SEH1L: variants seen among roughly 807,000 people sequenced by gnomAD.
SEH1L encodes nucleoporin SEH1.
SEH1L carries 18 observed loss-of-function variants against 49.5 expected under a neutral mutation model. The ratio of observed to expected loss-of-function variants is 0.36; its 90% CI spans 0.25 to 0.54. The LOEUF (loss-of-function observed/expected upper bound fraction) is 0.54, where lower values mean the gene tolerates loss of function less well. SEH1L is among the 20% of genes least tolerant of loss of function. The pLI is 0.87. For synonymous variants in SEH1L, 169 were observed against 178.1 expected (o/e 0.95, Z 0.41); for missense variants, 404 against 528.8 (o/e 0.76, Z 2.31).
At chr18:12,961,214 G>C (rs1332345012) in intron 3 of SEH1L, among the ~76,000 whole-genome samples, 1 of 152,188 alleles carries the variant, frequency 6.6e-6, no homozygotes, top group Non-Finnish European at 1.5e-5. Context: ...GTTCCTAGAA[G>C]GTCATAGATC....
chr18:12,968,085 G>A (rs556213470), intron 4 of SEH1L, among the ~76,000 whole-genome samples: 4 of 152,176 alleles, frequency 2.6e-5, no homozygotes, highest in East Asian at 1.9e-4. Context: ...TATCTTCTGC[G>A]CCACTTGTTT....
rs1343274603 is a variant in SEH1L, at chr18:12,963,108, T to C, written c.310-52T>C. 8.1e-6 allele frequency: 11 copies of C among 1,357,338 alleles called. No individual in the cohort carries two copies. The East Asian group carries it at 2.5e-4, about 31-fold the overall frequency. The allele number at this position is 1,357,338 out of a possible 1,614,324, so 84.1% of individuals were successfully genotyped here. ...CAGAGTCTGTGTGTCTTTTCCACTCTACCATGCTTTCTTTTTGTATATAAT... is the reference window on the plus strand; with the variant it reads ...CAGAGTCTGTGTGTCTTTTCCACTCCACCATGCTTTCTTTTTGTATATAAT... On this transcript the variant is annotated intron_variant, in intron 3 of 8. Transcript: ENST00000399892.
intron 4 of SEH1L, among the ~76,000 whole-genome samples, chr18:12,964,986 A>C: frequency 7.5e-6 from 1 of 133,474 alleles, no homozygotes; most frequent in South Asian, 2.5e-4. Context: ...TCCCCCTCAC[A>C]TTGCCCCTTC....
At chr18:12,975,132 A>C (rs1407513487) in intron 5 of SEH1L, among the ~76,000 whole-genome samples, 2 of 151,930 alleles carry the variant, frequency 1.3e-5, no homozygotes, top group Non-Finnish European at 2.9e-5. Flanking sequence ...AGCTGGGATC[A>C]CAGGCATGTG....
rs2032379436 is a variant in SEH1L at position 12,984,173 on chromosome 18, T to C, written c.1053T>C (p.Asn351=). 6.2e-7 allele frequency: 1 copy of C among 1,613,700 alleles called. No homozygotes were observed. The highest frequency in any genetic ancestry group is 1.3e-5 in the African/African-American group (1 of 74,946). ...STIPSLQNSL[N]GSSAGRYFFT... is the part of the protein sequence containing the mutation. Reference sequence around the variant, plus strand: ...TTCCAAGTCTTCAGAATTCATTAAATGGATCTTCTGCTGGCAGGTAGGCTG... The same window carrying C: ...TTCCAAGTCTTCAGAATTCATTAAACGGATCTTCTGCTGGCAGGTAGGCTG... Residue 351 remains asparagine (N), a synonymous_variant, in exon 8 of 9, where the codon AAT becomes AAC. Transcript: ENST00000399892.
intron 6 of SEH1L, 67 bp from the exon 7 acceptor site, chr18:12,982,451 G>C: frequency 3.8e-6 from 4 of 1,066,448 alleles, no homozygotes; most frequent in Non-Finnish European, 5.5e-6. Context: ...ATATATATAT[G>C]TGTGTGTATA....
intron 4 of SEH1L, among the ~76,000 whole-genome samples, chr18:12,970,809 A>G (rs1438303639): frequency 6.6e-6 from 1 of 152,232 alleles, no homozygotes; most frequent in East Asian, 1.9e-4. Flanking sequence ...ATAGTTAATG[A>G]CCAAAAATTT....
At chr18:12,949,545 C>T (rs1331017668) in intron 1 of SEH1L, among the ~76,000 whole-genome samples, 97 of 147,438 alleles carry the variant, frequency 6.6e-4, no homozygotes, top group Non-Finnish European at 1.1e-3. Context: ...CTCCGCCTCC[C>T]GGGTTCACGC....
chr18:12,949,834 C>T (rs2030406994), intron 1 of SEH1L, among the ~76,000 whole-genome samples: 2 of 152,042 alleles, frequency 1.3e-5, no homozygotes, highest in African/African-American at 2.4e-5. Flanking sequence ...CCCTGCCCAT[C>T]TCCAGAACCT....
chr18:12,982,608 G>T lies in SEH1L; in HGVS notation c.852G>T (p.Val284=), dbSNP rs377602105. The T allele has an allele frequency of 6.2e-7, 1 of 1,613,952 alleles. No homozygotes were observed. The highest frequency in any genetic ancestry group is 8.5e-7 in the Non-Finnish European group (1 of 1,179,878). Residue 284 remains valine, a synonymous_variant, in exon 7 of 9, where the codon GTG becomes GTT. Transcript: ENST00000399892. ...ATCATAATTCTCAGGTCTGGCGAGTGAGTTGGAATATAACAGGAACGGTGC... is the reference window on the plus strand; with the variant it reads ...ATCATAATTCTCAGGTCTGGCGAGTTAGTTGGAATATAACAGGAACGGTGC... The part of the protein sequence containing the change: ...FDNHNSQVWR[V]SWNITGTVLA...
chr18:12,969,211 G>GCA (rs2031582767), intron 4 of SEH1L, among the ~76,000 whole-genome samples: 1 of 55,078 alleles, frequency 1.8e-5, no homozygotes, highest in Non-Finnish European at 3.1e-5. Context: ...CTCTGTACCC[G>GCA]CCCCCCCCCC....
chr18:12,974,830 G>C (rs2031850049), intron 5 of SEH1L, among the ~76,000 whole-genome samples: 7 of 152,188 alleles, frequency 4.6e-5, no homozygotes, highest in Admixed American at 4.6e-4. Context: ...TTACAAATGA[G>C]AAAACTGAGA....
In SEH1L at chr18:12,948,163, C is replaced by A; in HGVS notation, c.42C>A (p.Leu14=). The A allele has an allele frequency of 6.2e-7, 1 of 1,611,350 alleles. No homozygotes were observed. The highest frequency in any genetic ancestry group is 2.2e-5 in the East Asian group (1 of 44,678). Residue 14 remains leucine, a synonymous_variant, in exon 1 of 9, where the codon CTC becomes CTA. Transcript: ENST00000399892. The part of the protein sequence containing the change: ...ARSIAADHKD[L]IHDVSFDFHG... The stretch of plus-strand genomic sequence containing the variant: ...GCATCGCGGCGGACCACAAGGATCT[C>A]ATCCACGATGTCTCTTTCGACTTCC...
Position 12,955,474 on chromosome 18 carries a change from A to G in SEH1L, c.174A>G (p.Gly58=), listed in dbSNP as rs923581467. 5 of 1,612,732 alleles carry G rather than the reference A, an allele frequency of 3.1e-6. No homozygotes were observed. In the African/African-American group the frequency reaches 5.4e-5, roughly 17 times the overall value. ...TTTTGATTCCCCAGACACATAGTGG[A>G]TCTGTATGGCGTGTGACATGGGCCC... is the stretch of plus-strand genomic sequence containing the variant. The part of the protein sequence containing the change: ...HCTASWKTHS[G]SVWRVTWAHP... Residue 58 remains glycine, a synonymous_variant, in exon 3 of 9, where the codon GGA becomes GGG. Transcript: ENST00000399892.
chr18:12,974,025 A>C (rs1033123407), intron 5 of SEH1L: 5 of 152,182 alleles, frequency 3.3e-5, no homozygotes, highest in African/African-American at 1.2e-4. Context: ...TAGCTGCAAG[A>C]GAGTGAGACA....
chr18:12,970,051 AT>A (rs550802107), intron 4 of SEH1L, among the ~76,000 whole-genome samples: 107 of 152,294 alleles, frequency 7.0e-4, no homozygotes, highest in South Asian at 2.3e-3. Flanking sequence ...TAATTAGATA[AT>A]TTGATCTAAT....
intron 2 of SEH1L, among the ~76,000 whole-genome samples, chr18:12,952,807 C>T (rs1446905440): frequency 8.3e-6 from 1 of 120,014 alleles, no homozygotes; most frequent in Non-Finnish European, 1.7e-5. Context: ...TTTGAGCTGG[C>T]GTCTTGCTCT....
At chr18:12,981,460 G>C (rs1402996433) in intron 6 of SEH1L, among the ~76,000 whole-genome samples, 1 of 152,354 alleles carries the variant, frequency 6.6e-6, no homozygotes, top group South Asian at 2.1e-4. Flanking sequence ...CCGGCACCTC[G>C]GGAGGCCGAG....
chr18:12,962,391 T>A lies in SEH1L; in HGVS notation c.310-769T>A, dbSNP rs1016013017. 8.9e-4 allele frequency among the ~76,000 whole-genome samples: 121 copies of A among 135,328 alleles called. 1 individual carries two copies. The highest frequency in any genetic ancestry group is 1.6e-3 in the Admixed American group (22 of 13,426). 88.8% of individuals were successfully genotyped at this position (135,328 alleles called of 152,430 possible). A position where few individuals can be genotyped will look rare whatever the true frequency, so the allele number is the denominator to read the frequency against. On this transcript the variant is annotated intron_variant, in intron 3 of 8. Coordinates refer to ENST00000399892, the MANE Select transcript of SEH1L (RefSeq NM_001013437.2). ...CCTGTCCCTAAGAAAAAAAAAAAAA[T>A]AATAATAATAGTGGTCCAAATGGGA...
Sources: allele counts gnomAD v4.1 joint callset (sites outside exome capture counted in the v4.1 genomes callset), GRCh38; gene constraint gnomAD v4.1.1; transcripts MANE v1.5; gene names NCBI Gene and HGNC (gene_info 2026-07-23, HGNC 2026-07-21).